CSMD1: variants seen among roughly 807,000 people sequenced by gnomAD.
The protein encoded by CSMD1 is CUB and sushi domain-containing protein 1.
A neutral mutation model predicts 417.5 loss-of-function variants in CSMD1; 213 were observed. The ratio of observed to expected loss-of-function variants is 0.51; its 90% CI spans 0.46 to 0.57. The LOEUF (loss-of-function observed/expected upper bound fraction) is 0.57, where lower values mean the gene tolerates loss of function less well. CSMD1 is among the 20% of genes least tolerant of loss of function. The probability of loss-of-function intolerance (pLI) is 0.00; values close to 1 mark genes in which losing one functional copy is unlikely to be tolerated. For synonymous variants in CSMD1, 2,862 were observed against 1,736.8 expected, an observed-to-expected ratio of 1.65 and a Z score of -16.11; for missense variants, 6,923 against 4,529.7, an observed-to-expected ratio of 1.53 and a Z score of -15.17.
chr8:4,659,856 T>C (rs1343976896), intron 1 of CSMD1, among the ~76,000 whole-genome samples: 1 of 151,842 alleles, frequency 6.6e-6, no homozygotes, highest in Admixed American at 6.6e-5. Flanking sequence ...TGCTAAACAA[T>C]AAAAATCAAA....
At chr8:4,330,254 G>C (rs1799793841) in intron 3 of CSMD1, among the ~76,000 whole-genome samples, 1 of 122,648 alleles carries the variant, frequency 8.2e-6, no homozygotes. Context: ...GATCCAGTAG[G>C]ACTCTGTCTG....
chr8:4,359,413 G>A (rs1327610982), intron 3 of CSMD1, among the ~76,000 whole-genome samples: 1 of 152,172 alleles, frequency 6.6e-6, no homozygotes, highest in Non-Finnish European at 1.5e-5. Flanking sequence ...AACTAGAGAA[G>A]CTTTGTTTTT....
chr8:3,226,323 T>C (rs191103842), intron 27 of CSMD1, among the ~76,000 whole-genome samples: 87 of 152,078 alleles, frequency 5.7e-4, no homozygotes, highest in Middle Eastern at 3.4e-3. Context: ...TGGCTCACGC[T>C]TGTAATCCCA....
intron 7 of CSMD1, among the ~76,000 whole-genome samples, chr8:3,644,659 G>A (rs1011216417): frequency 6.6e-6 from 1 of 152,162 alleles, no homozygotes. Flanking sequence ...GAGGGCAGCA[G>A]GTTCAAGTGG....
chr8:3,890,522 G>A (rs949438398), intron 5 of CSMD1, among the ~76,000 whole-genome samples: 2 of 152,126 alleles, frequency 1.3e-5, no homozygotes, highest in African/African-American at 4.8e-5. Context: ...AGGACTCGGT[G>A]GGGAACAAAA....
intron 18 of CSMD1, among the ~76,000 whole-genome samples, chr8:3,372,606 G>A (rs1246581569): frequency 6.6e-6 from 1 of 152,148 alleles, no homozygotes; most frequent in Non-Finnish European, 1.5e-5. Flanking sequence ...AAAAGGAGGA[G>A]CTGGGGGTGA....
At chr8:4,055,545 A>T (rs1798647164) in intron 3 of CSMD1, among the ~76,000 whole-genome samples, 3 of 141,074 alleles carry the variant, frequency 2.1e-5, no homozygotes, top group Admixed American at 6.8e-5. Flanking sequence ...CAAGAATTTT[A>T]ATGAATATCA....
At chr8:3,752,756 C>T (rs927198289) in intron 6 of CSMD1, among the ~76,000 whole-genome samples, 5 of 149,616 alleles carry the variant, frequency 3.3e-5, no homozygotes, top group Admixed American at 2.0e-4. Context: ...GGAAGTTCTG[C>T]GTACATCATG....
intron 2 of CSMD1, among the ~76,000 whole-genome samples, chr8:4,586,083 G>A (rs540443197): frequency 5.9e-5 from 9 of 152,184 alleles, no homozygotes; most frequent in Non-Finnish European, 1.2e-4. Context: ...TTTCACACAA[G>A]CATACAACGT....
intron 1 of CSMD1, among the ~76,000 whole-genome samples, chr8:4,874,794 G>C (rs865888975): frequency 6.7e-6 from 1 of 150,184 alleles, no homozygotes; most frequent in African/African-American, 2.4e-5. Context: ...TAGACTTTTT[G>C]TGTGTGTATA....
At chr8:3,415,615 C>G (rs543097235) in intron 12 of CSMD1, among the ~76,000 whole-genome samples, 5 of 152,314 alleles carry the variant, frequency 3.3e-5, no homozygotes, top group African/African-American at 9.6e-5. Context: ...CTCCTCTAGC[C>G]TCCCAACAGG....
rs767801387 is a variant in CSMD1 at position 3,219,450 on chromosome 8, A to G, written c.4485-8T>C. 1.4e-6 allele frequency: 2 copies of G among 1,455,070 alleles called. No individual in the cohort carries two copies. The highest frequency in any genetic ancestry group is 2.8e-5 in the Admixed American group (1 of 35,104). The allele number at this position is 1,455,070 out of a possible 1,614,324, so 90.1% of individuals were successfully genotyped here. A position where few individuals can be genotyped will look rare whatever the true frequency, so the allele number is the denominator to read the frequency against. On this transcript the variant is annotated splice_region_variant and splice_polypyrimidine_tract_variant and intron_variant, in intron 28 of 69. Transcript: ENST00000635120. ...CTGGGCTCCATGTTGAAACTAAAGA[A>G]AAGAATAGTAATTATGTCATACGGC...
At chr8:4,463,210 G>C (rs138015614) in intron 2 of CSMD1, among the ~76,000 whole-genome samples, 30 of 152,064 alleles carry the variant, frequency 2.0e-4, no homozygotes, top group South Asian at 4.1e-4. Context: ...TAGCCATCAA[G>C]GAAATGCAAA....
intron 7 of CSMD1, among the ~76,000 whole-genome samples, chr8:3,688,545 C>T (rs1490732232): frequency 6.6e-6 from 1 of 152,128 alleles, no homozygotes; most frequent in East Asian, 1.9e-4. Flanking sequence ...AACTTAACTA[C>T]AATGCATGTG....
At chr8:4,218,543 TTGTTTC>T (rs1385413535) in intron 3 of CSMD1, among the ~76,000 whole-genome samples, 3 of 152,196 alleles carry the variant, frequency 2.0e-5, no homozygotes, top group African/African-American at 7.2e-5. Context: ...ACATTTGAAT[TTGTTTC>T]TGAGTCAAGT....
At chr8:3,902,257 G>GT (rs1330940343) in intron 5 of CSMD1, among the ~76,000 whole-genome samples, 2 of 152,036 alleles carry the variant, frequency 1.3e-5, no homozygotes, top group Non-Finnish European at 2.9e-5. Context: ...ACATTCTAGG[G>GT]TCCATTGATT....
At chr8:3,581,708 G>A (rs894307338) in intron 9 of CSMD1, among the ~76,000 whole-genome samples, 1 of 152,166 alleles carries the variant, frequency 6.6e-6, no homozygotes, top group East Asian at 1.9e-4. Flanking sequence ...ATAGACGGTT[G>A]AGTTGAGAAT....
At chr8:3,574,829 A>C (rs896761679) in intron 10 of CSMD1, 116 bp downstream of exon 10, 1 of 1,243,134 alleles carries the variant, frequency 8.0e-7, no homozygotes, top group Non-Finnish European at 1.1e-6. Context: ...TGGAACTTTT[A>C]AATTCAAACA....
chr8:4,019,212 G>C (rs1159940786), intron 4 of CSMD1, among the ~76,000 whole-genome samples: 1 of 152,192 alleles, frequency 6.6e-6, no homozygotes, highest in Non-Finnish European at 1.5e-5. Flanking sequence ...CAATAAACCT[G>C]AGAGAGGCTC....
Sources: gnomAD v4.1 joint callset for allele counts (sites outside exome capture counted in the v4.1 genomes callset) on GRCh38, gnomAD v4.1.1 for gene constraint, MANE v1.5 for transcripts, NCBI Gene and HGNC (gene_info 2026-07-23, HGNC 2026-07-21) for gene names.